Variants in MYO6 observed in about 807,000 individuals in gnomAD.
MYO6 encodes myosin VI.
Under a neutral mutation model 178.7 loss-of-function variants are expected in MYO6, and 74 were observed. That is an observed-to-expected ratio of 0.41 (90% CI 0.34 to 0.50). The LOEUF (loss-of-function observed/expected upper bound fraction) is 0.50. Ranked by LOEUF, MYO6 falls within the 20% of genes least tolerant of loss-of-function variation. MYO6 has a pLI of 0.09. For synonymous variants in MYO6, 477 were observed against 504.6 expected (o/e 0.95, Z 0.73); for missense variants, 1,330 against 1,547.4 (o/e 0.86, Z 2.36).
chr6:75,817,728 G>A (rs1583178098), intron 2 of MYO6, 64 bp downstream of exon 2: 8 of 1,376,904 alleles, frequency 5.8e-6, no homozygotes, highest in Non-Finnish European at 8.3e-6. Flanking sequence ...TTTTTCACAA[G>A]AGTAAGGTCT....
At chr6:75,793,402 G>T (rs914310864) in intron 1 of MYO6, among the ~76,000 whole-genome samples, 1 of 152,040 alleles carries the variant, frequency 6.6e-6, no homozygotes. Context: ...GTCAGGAGTT[G>T]AGATCAGCCT....
chr6:75,858,925 G>T lies in MYO6; in HGVS notation c.1405G>T (p.Glu469Ter). ...AGAGTACTTTGAGCATAACAGTTTT[G>T]AACAATTTTGCATCAACTATTGCAA... ...GFEYFEHNSF[E>*]QFCINYCNEK... is the part of the protein sequence containing the mutation. The change falls in exon 14 of 35, where the codon GAA becomes TAA. Residue 469 changes from glutamate (E) to a stop codon, truncating the protein, a stop_gained. Transcript: ENST00000369977. LOFTEE classifies it high-confidence loss of function. 1 of 1,609,716 alleles carries T rather than the reference G, an allele frequency of 6.2e-7. No individual in the cohort carries two copies. The highest frequency in any genetic ancestry group is 1.1e-5 in the South Asian group (1 of 90,684).
intron 1 of MYO6, among the ~76,000 whole-genome samples, chr6:75,794,152 A>C (rs1471088093): frequency 6.6e-6 from 1 of 152,178 alleles, no homozygotes; most frequent in Non-Finnish European, 1.5e-5. Context: ...ATATATAGGT[A>C]ATAGAAGAGA....
At chr6:75,831,058 CT>C (rs1294187226) in intron 5 of MYO6, among the ~76,000 whole-genome samples, 4 of 152,292 alleles carry the variant, frequency 2.6e-5, no homozygotes, top group Non-Finnish European at 4.4e-5. Context: ...CTTCATACCA[CT>C]GGAGAATCTA....
rs1288370088 is a variant in MYO6 at position 75,915,622 on chromosome 6, T to C, written c.*610T>C. 1 of 156,850 alleles carries C rather than the reference T, an allele frequency of 6.4e-6. No individual in the cohort carries two copies. The highest frequency in any genetic ancestry group is 1.9e-4 in the East Asian group (1 of 5,302). The allele number at this position is 156,850 out of a possible 1,614,324, so 9.7% of individuals were successfully genotyped here. ...AAAGAGCCTTAATGTATTTGATGTA[T>C]TCTGTGATAAGAGGTACTAATAGTA... On this transcript the variant is annotated 3_prime_UTR_variant, in exon 35 of 35. Transcript: ENST00000369977.
intron 12 of MYO6, among the ~76,000 whole-genome samples, chr6:75,856,013 GA>G (rs1775692704): frequency 6.6e-6 from 1 of 152,184 alleles, no homozygotes; most frequent in South Asian, 2.1e-4. Flanking sequence ...TAGCCTCTCA[GA>G]AAATTGGCTA....
At chr6:75,884,917 T>G (rs1398520836) in intron 23 of MYO6, among the ~76,000 whole-genome samples, 1 of 152,220 alleles carries the variant, frequency 6.6e-6, no homozygotes, top group African/African-American at 2.4e-5. Context: ...GCTGTGTGGC[T>G]CCTAAACCGT....
At chr6:75,872,157 G>GAATA (rs905853625) in intron 19 of MYO6, among the ~76,000 whole-genome samples, 228 of 151,432 alleles carry the variant, frequency 1.5e-3, no homozygotes, top group African/African-American at 5.3e-3. Context: ...AAAAATAAAT[G>GAATA]AATAAATAAA....
In MYO6 at chr6:75,846,956, CTTCT is replaced by C. The variant is rs543123887; in HGVS notation, c.898-1392_898-1389del. 4.1e-3 allele frequency among the ~76,000 whole-genome samples: 618 copies of C among 152,128 alleles called. 8 individuals are homozygous for C. The highest frequency in any genetic ancestry group is 0.014 in the African/African-American group (596 of 41,538). On this transcript the variant is annotated intron_variant, in intron 10 of 34. Coordinates refer to ENST00000369977, the MANE Select transcript of MYO6 (RefSeq NM_004999.4). ...AATATGTTTAAATTACTTTTTATGT[CTTCT>C]TTATCAGGAGGATGAGGTGATCATT...
At chr6:75,842,923 A>G (rs574096764) in intron 9 of MYO6, among the ~76,000 whole-genome samples, 2 of 152,160 alleles carry the variant, frequency 1.3e-5, no homozygotes, top group Non-Finnish European at 2.9e-5. Flanking sequence ...ATTGAAATAT[A>G]TCTGGTCAGA....
At chr6:75,825,293 A>G (rs113328685) in intron 3 of MYO6, among the ~76,000 whole-genome samples, 343 of 152,260 alleles carry the variant, frequency 2.3e-3, no homozygotes, top group African/African-American at 7.9e-3. Flanking sequence ...TAAAGTATAG[A>G]GTATAAAATT....
intron 1 of MYO6, among the ~76,000 whole-genome samples, chr6:75,788,936 A>G (rs780516946): frequency 1.2e-4 from 18 of 152,246 alleles, no homozygotes; most frequent in African/African-American, 1.9e-4. Flanking sequence ...GCTATTAAAC[A>G]AATTTTTTGA....
At chr6:75,770,877 T>G (rs555220359) in intron 1 of MYO6, among the ~76,000 whole-genome samples, 1 of 152,336 alleles carries the variant, frequency 6.6e-6, no homozygotes, top group African/African-American at 2.4e-5. Context: ...TGATGTCACA[T>G]TGGCAATTTA....
At chr6:75,862,822 T>C in intron 16 of MYO6, 99 bp downstream of exon 16, 1 of 1,387,124 alleles carries the variant, frequency 7.2e-7, no homozygotes. Context: ...AGAATAAAAA[T>C]TATGGCGTGT....
At chr6:75,810,713 T>G (rs1022875379) in intron 1 of MYO6, among the ~76,000 whole-genome samples, 1 of 152,188 alleles carries the variant, frequency 6.6e-6, no homozygotes, top group Non-Finnish European at 1.5e-5. Flanking sequence ...TCTATCTAAA[T>G]TGATTTAGCA....
Position 75,879,877 on chromosome 6 carries a change from A to G in MYO6, c.2135A>G (p.His712Arg), listed in dbSNP as rs1483659397. The change falls in exon 21 of 35, where the codon CAT (histidine) becomes CGT (arginine). Residue 712 changes from histidine to arginine, a missense_variant. Around this residue, in one of 3 missense-constraint regions of MYO6, gnomAD observed 613 missense variants for 816.8 expected, o/e 0.75. Transcript: ENST00000369977. ...QGGYPSRASF[H>R]ELYNMYKKYM... Reference sequence around the variant, plus strand: ...GGTTACCCATCACGAGCTTCATTTCATGAACTCTACAACATGTACAAAAAG... The same window carrying G: ...GGTTACCCATCACGAGCTTCATTTCGTGAACTCTACAACATGTACAAAAAG... 6 of 1,614,150 alleles carry G rather than the reference A, an allele frequency of 3.7e-6. No individual in the cohort carries two copies. Among genetic ancestry groups the G allele is most frequent in the Admixed American group, 1.7e-5 (1 of 60,030 alleles).
chr6:75,881,786 A>G lies in MYO6; in HGVS notation c.2384A>G (p.Lys795Arg). The G allele has an allele frequency of 6.2e-7, 1 of 1,613,904 alleles. No individual in the cohort carries two copies. The highest frequency in any genetic ancestry group is 8.5e-7 in the Non-Finnish European group (1 of 1,179,856). The change falls in exon 23 of 35, where the codon AAA (lysine) becomes AGA (arginine). Residue 795 changes from lysine to arginine, a missense_variant. Lys to Arg is a conservative substitution (Grantham distance 26, BLOSUM62 2). Transcript: ENST00000369977. ...TGGCTCACATGCAGTCGCTGGAAGAAAGTTCAGTGGTGCTCACTCTCAGTC... is the reference window on the plus strand; with the variant it reads ...TGGCTCACATGCAGTCGCTGGAAGAGAGTTCAGTGGTGCTCACTCTCAGTC... ...NHWLTCSRWKKVQWCSLSVIK... is the reference protein window; with the variant it reads ...NHWLTCSRWKRVQWCSLSVIK...
rs539578518 is a variant in MYO6 at position 75,776,575 on chromosome 6, C to T, written c.-48+27152C>T. 2.8e-3 allele frequency among the ~76,000 whole-genome samples: 433 copies of T among 152,190 alleles called. 5 individuals carry two copies. Among genetic ancestry groups the T allele is most frequent in the African/African-American group, 0.01 (416 of 41,536 alleles). ...CTGGTTGCTCTTCCCTATTTAGAAACTAAGCACTACTATCATTTTGGTGTG... is the reference window on the plus strand; with the variant it reads ...CTGGTTGCTCTTCCCTATTTAGAAATTAAGCACTACTATCATTTTGGTGTG... On this transcript the variant is annotated intron_variant, in intron 1 of 34. Coordinates refer to ENST00000369977, the MANE Select transcript of MYO6 (RefSeq NM_004999.4).
chr6:75,822,784 A>T lies in MYO6; in HGVS notation c.120A>T (p.Thr40=), dbSNP rs1242320551. The T allele has an allele frequency of 6.2e-7, 1 of 1,613,310 alleles. No individual in the cohort carries two copies. Among genetic ancestry groups the T allele is most frequent in the African/African-American group, 1.3e-5 (1 of 75,028 alleles). Residue 40 remains threonine (T), a splice_region_variant and synonymous_variant, in exon 3 of 35, where the codon ACA becomes ACT. Coordinates refer to ENST00000369977, the MANE Select transcript of MYO6 (RefSeq NM_004999.4). ...TIEPLNQKGK[T]FLALINQVFP... is the part of the protein sequence containing the mutation. ...TGAGCATTTGTTTTGCTTGTTAGAC[A>T]TTTTTGGCTCTCATAAACCAAGTGT...
Sources: allele counts gnomAD v4.1 joint callset (sites outside exome capture counted in the v4.1 genomes callset), GRCh38; gene constraint gnomAD v4.1.1; regional missense constraint gnomAD v4.1.1; transcripts MANE v1.5; gene names NCBI Gene and HGNC (gene_info 2026-07-23, HGNC 2026-07-21).